Variants in RB1 observed in about 807,000 individuals in gnomAD.
RB1 encodes the protein retinoblastoma-associated protein.
In RB1, 18 loss-of-function variants were observed where a neutral mutation model predicts 135.4. The ratio of observed to expected loss-of-function variants is 0.13; its 90% confidence interval spans 0.09 to 0.20. The LOEUF (loss-of-function observed/expected upper bound fraction) is 0.20, where lower values mean the gene tolerates loss of function less well. Ranked by LOEUF, RB1 falls within the 10% of genes least tolerant of loss-of-function variation. RB1 has a pLI of 1.00. For missense variants in RB1, 868 were observed against 1,110.0 expected (o/e 0.78, Z 3.10); for synonymous variants, 365 against 373.2 (o/e 0.98, Z 0.25).
At chr13:48,334,084 G>C (rs2138072375) in intron 2 of RB1, among the ~76,000 whole-genome samples, 1 of 152,250 alleles carries the variant, frequency 6.6e-6, no homozygotes, top group South Asian at 2.1e-4. Flanking sequence ...TGGGCAGATG[G>C]CCAGGTAAAT....
At position 48,347,878 on chromosome 13, in the gene RB1, G is replaced by A. The variant is rs2138091800; in HGVS notation, c.539+15G>A. 6.4e-7 allele frequency: 1 copy of A among 1,565,614 alleles called. No homozygotes were observed. On this transcript the variant is annotated intron_variant, in intron 5 of 26. Coordinates refer to ENST00000267163, the MANE Select transcript of RB1 (RefSeq NM_000321.3). ...CCCAGCAGTTCGTAAGTAGTTCACA[G>A]AATGTTATTTTTCACTTAAAAAAAA... is the stretch of plus-strand genomic sequence containing the variant.
chr13:48,341,088 C>G (rs1301095864), intron 2 of RB1: 4 of 152,066 alleles, frequency 2.6e-5, no homozygotes, highest in African/African-American at 9.7e-5. Context: ...CCCAACACCT[C>G]CCCTCTGTTC....
intron 17 of RB1, among the ~76,000 whole-genome samples, chr13:48,435,042 A>C (rs1245000750): frequency 6.6e-6 from 1 of 152,234 alleles, no homozygotes; most frequent in Non-Finnish European, 1.5e-5. Context: ...GTTTAGTATC[A>C]GTATGGGTTT....
At chr13:48,472,984 A>C (rs1949481705) in intron 23 of RB1, among the ~76,000 whole-genome samples, 1 of 152,186 alleles carries the variant, frequency 6.6e-6, no homozygotes, top group African/African-American at 2.4e-5. Context: ...TAATATTCTA[A>C]GTTTTTTCCA....
At chr13:48,368,261 C>A (rs1381648237) in intron 10 of RB1, among the ~76,000 whole-genome samples, 1 of 152,088 alleles carries the variant, frequency 6.6e-6, no homozygotes, top group Non-Finnish European at 1.5e-5. Flanking sequence ...GAGAAAGCAT[C>A]TGACTTTCAC....
intron 2 of RB1, chr13:48,318,960 G>T: frequency 1.1e-6 from 1 of 884,746 alleles, no homozygotes; most frequent in South Asian, 1.3e-5. Flanking sequence ...TAGAAGCGTG[G>T]GCTTGCAGAA....
chr13:48,308,501 A>G (rs2138036503), intron 2 of RB1, among the ~76,000 whole-genome samples: 1 of 151,780 alleles, frequency 6.6e-6, no homozygotes, highest in African/African-American at 2.4e-5. Context: ...AAAAATACAA[A>G]AATTAGCCAG....
chr13:48,378,104 C>G (rs180917201), intron 13 of RB1, among the ~76,000 whole-genome samples: 29 of 152,290 alleles, frequency 1.9e-4, no homozygotes, highest in Non-Finnish European at 3.7e-4. Context: ...TTACCTATGA[C>G]ATGACTGTAC....
intron 17 of RB1, among the ~76,000 whole-genome samples, chr13:48,385,831 G>T (rs562116170): frequency 6.6e-6 from 1 of 152,100 alleles, no homozygotes; most frequent in South Asian, 2.1e-4. Context: ...TCTTCACAAT[G>T]TAACATTTAT....
chr13:48,389,298 A>T (rs1427689314), intron 17 of RB1, among the ~76,000 whole-genome samples: 1 of 152,120 alleles, frequency 6.6e-6, no homozygotes, highest in Non-Finnish European at 1.5e-5. Context: ...GCAACAATGA[A>T]GTCACTGGTG....
At chr13:48,311,981 G>T (rs897470583) in intron 2 of RB1, among the ~76,000 whole-genome samples, 1 of 152,224 alleles carries the variant, frequency 6.6e-6, no homozygotes, top group Non-Finnish European at 1.5e-5. Flanking sequence ...CATTACAGGC[G>T]TGAGCCACTG....
intron 5 of RB1, 123 bp from the exon 6 acceptor site, chr13:48,348,833 C>T (rs1195499896): frequency 8.8e-7 from 1 of 1,140,206 alleles, no homozygotes; most frequent in Non-Finnish European, 1.2e-6. Context: ...TTCTATTATG[C>T]ATTTAACTAA....
intron 11 of RB1, among the ~76,000 whole-genome samples, chr13:48,371,549 A>G (rs544339114): frequency 6.6e-6 from 1 of 152,148 alleles, no homozygotes. Context: ...AACAGATTTG[A>G]TAAATATTTG....
rs1044297169 is a variant in RB1, at chr13:48,319,521, G to A, written c.264+12115G>A. The A allele has an allele frequency of 1.5e-5, 4 of 272,592 alleles. No homozygotes were observed. Among genetic ancestry groups the A allele is most frequent in the Admixed American group, 9.8e-5 (2 of 20,504 alleles). 16.9% of individuals were successfully genotyped at this position (272,592 alleles called of 1,614,324 possible). On this transcript the variant is annotated intron_variant, in intron 2 of 26. Transcript: ENST00000267163. This position sits in a 1 kb window ranked among gnomAD's most constrained non-coding sequence, Gnocchi z 5.0. ...TGGTGCTTCTGAAGGGCTGCAGGGGGCTGCTGGCTTCGGGCTGCCCTTGTT... is the reference window on the plus strand; with the variant it reads ...TGGTGCTTCTGAAGGGCTGCAGGGGACTGCTGGCTTCGGGCTGCCCTTGTT...
In RB1 at chr13:48,308,084, T is replaced by C. The variant is rs539982718; in HGVS notation, c.264+678T>C. 1.3e-4 allele frequency among the ~76,000 whole-genome samples: 19 copies of C among 151,990 alleles called. No homozygotes were observed. In the South Asian group the frequency reaches 3.1e-3, roughly 25 times the overall value. Reference sequence around the variant, plus strand: ...GTTAGAATTCAGGATCTTGAAAATATATTGATATATTCCTTTCATTTTTTC... The same window carrying C: ...GTTAGAATTCAGGATCTTGAAAATACATTGATATATTCCTTTCATTTTTTC... On this transcript the variant is annotated intron_variant, in intron 2 of 26. Coordinates refer to ENST00000267163, the MANE Select transcript of RB1 (RefSeq NM_000321.3).
At chr13:48,395,809 C>T (rs1430968694) in intron 17 of RB1, among the ~76,000 whole-genome samples, 3 of 152,132 alleles carry the variant, frequency 2.0e-5, no homozygotes. Context: ...AAACACTCTA[C>T]AGGATATTAT....
chr13:48,401,766 TG>T (rs1394705810), intron 17 of RB1, among the ~76,000 whole-genome samples: 2 of 152,206 alleles, frequency 1.3e-5, no homozygotes, highest in Non-Finnish European at 2.9e-5. Flanking sequence ...AGGAAACAGC[TG>T]GATTTGTTTC....
intron 17 of RB1, among the ~76,000 whole-genome samples, chr13:48,451,554 C>T (rs1949327060): frequency 1.3e-5 from 2 of 152,088 alleles, no homozygotes; most frequent in Admixed American, 1.3e-4. Flanking sequence ...CATTGCTGTT[C>T]ATCAGAGATA....
At chr13:48,453,943 G>T (rs1473207030) in intron 18 of RB1, among the ~76,000 whole-genome samples, 1 of 152,170 alleles carries the variant, frequency 6.6e-6, no homozygotes, top group Non-Finnish European at 1.5e-5. Context: ...GCAGTTTCTT[G>T]CATGACTCAG....
Sources: allele counts gnomAD v4.1 joint callset (sites outside exome capture counted in the v4.1 genomes callset), GRCh38; gene constraint gnomAD v4.1.1; non-coding constraint Gnocchi (gnomAD v3.1); transcripts MANE v1.5; gene names NCBI Gene and HGNC (gene_info 2026-07-23, HGNC 2026-07-21).